The following PPWD1 variants were observed in gnomAD, a reference collection of about 807,000 sequenced individuals.
The protein encoded by PPWD1 is peptidylprolyl isomerase domain and WD repeat containing 1.
In PPWD1, 43 loss-of-function variants were observed where a neutral mutation model predicts 68.8. That is an observed-to-expected ratio of 0.62 (90% CI 0.49 to 0.81). PPWD1 has a LOEUF of 0.81. PPWD1 is among the 30% of genes least tolerant of loss of function. The pLI is 0.00. For missense variants in PPWD1, 672 were observed against 804.8 expected, an observed-to-expected ratio of 0.83 and a Z score of 2.00; for synonymous variants, 232 against 258.7, an observed-to-expected ratio of 0.90 and a Z score of 0.99.
chr5:65,577,161 A>G (rs1753337630), intron 6 of PPWD1, 92 bp downstream of exon 6: 2 of 1,468,404 alleles, frequency 1.4e-6, no homozygotes, highest in South Asian at 1.6e-5. Context: ...TGTTTGTTCC[A>G]AGAAAAGTGG....
chr5:65,563,395 G>C lies in PPWD1; in HGVS notation c.85G>C (p.Glu29Gln). The C allele has an allele frequency of 6.2e-7, 1 of 1,614,188 alleles. No individual in the cohort carries two copies. Among genetic ancestry groups the C allele is most frequent in the Non-Finnish European group, 8.5e-7 (1 of 1,180,018 alleles). ...PEEPEKTELSERELAVAVAVS... is the reference protein window; with the variant it reads ...PEEPEKTELSQRELAVAVAVS... ...GGAACCGGAAAAAACAGAACTCAGCGAAAGAGAGCTGGCAGTAGCAGTGGC... is the reference window on the plus strand; with the variant it reads ...GGAACCGGAAAAAACAGAACTCAGCCAAAGAGAGCTGGCAGTAGCAGTGGC... Residue 29 changes from glutamate to glutamine, a missense_variant, in exon 1 of 11, where the codon GAA becomes CAA. Coordinates refer to ENST00000261308, the MANE Select transcript of PPWD1 (RefSeq NM_015342.4).
At chr5:65,567,639 C>G (rs1338525346) in intron 2 of PPWD1, 24 bp downstream of exon 2, 1 of 1,519,170 alleles carries the variant, frequency 6.6e-7, no homozygotes. Flanking sequence ...ATCTTTTTTA[C>G]TTTGTTCTGA....
In PPWD1 at chr5:65,577,084, G is replaced by C; in HGVS notation, c.1160+15G>C. 1 of 1,597,394 alleles carries C rather than the reference G, an allele frequency of 6.3e-7. No individual in the cohort carries two copies. The highest frequency in any genetic ancestry group is 1.3e-5 in the African/African-American group (1 of 74,566). The stretch of plus-strand genomic sequence containing the variant: ...GAGACAAACCGGTAAGCTTTAATAT[G>C]AGGTATGTTTTTTAAAAATGTGTTT... On this transcript the variant is annotated intron_variant, in intron 6 of 10. Coordinates refer to ENST00000261308, the MANE Select transcript of PPWD1 (RefSeq NM_015342.4).
intron 7 of PPWD1, 41 bp from the exon 8 acceptor site, chr5:65,582,997 A>G: frequency 1.4e-6 from 2 of 1,460,876 alleles, no homozygotes; most frequent in Non-Finnish European, 9.1e-7. Context: ...ACCAGATGAA[A>G]ACTTTAATTC....
chr5:65,579,287 G>A (rs1753487483), intron 6 of PPWD1, 137 bp from the exon 7 acceptor site: 1 of 1,280,702 alleles, frequency 7.8e-7, no homozygotes, highest in African/African-American at 1.6e-5. Context: ...GGGGGGTAGA[G>A]AAACACTTTT....
chr5:65,569,325 T>C, intron 2 of PPWD1: 1 of 269,316 alleles, frequency 3.7e-6, no homozygotes, highest in Non-Finnish European at 7.2e-6. Flanking sequence ...GTAGGGTAAT[T>C]TTAGCAATAA....
intron 5 of PPWD1, chr5:65,576,528 C>G (rs1411629528): frequency 8.3e-6 from 2 of 240,778 alleles, no homozygotes; most frequent in Non-Finnish European, 1.3e-5. Context: ...AGGCACACAT[C>G]ACCATGCCCG....
At chr5:65,574,609 G>A (rs1358345281) in intron 5 of PPWD1, among the ~76,000 whole-genome samples, 2 of 151,032 alleles carry the variant, frequency 1.3e-5, no homozygotes, top group South Asian at 2.1e-4. Flanking sequence ...GACTACAGGC[G>A]CCCGCCACTG....
rs564705552 is a variant in PPWD1, at chr5:65,570,034, T to C, written c.521+36T>C. ...TTAAAAGTATATATATTTTAACTTA[T>C]TGAAGTAATTTGTAAATCAGACTTT... is the stretch of plus-strand genomic sequence containing the variant. On this transcript the variant is annotated intron_variant, in intron 4 of 10. Transcript: ENST00000261308. The C allele has an allele frequency of 4.7e-5, 72 of 1,529,152 alleles. 1 individual carries two copies. The South Asian group carries it at 5.5e-4, about 12-fold the overall frequency. 94.7% of individuals were successfully genotyped at this position (1,529,152 alleles called of 1,614,324 possible).
chr5:65,569,857 T>G (rs775422373), intron 3 of PPWD1, 21 bp from the exon 4 acceptor site: 2 of 1,581,246 alleles, frequency 1.3e-6, no homozygotes, highest in Non-Finnish European at 1.7e-6. Flanking sequence ...TAGAATGTTT[T>G]AATTTCATTT....
chr5:65,564,318 C>CTTTT (rs550753414), intron 1 of PPWD1, among the ~76,000 whole-genome samples: 112 of 117,202 alleles, frequency 9.6e-4, no homozygotes, highest in Non-Finnish European at 1.1e-3. Flanking sequence ...TTTTCTCTCT[C>CTTTT]TTTTTTTTTT....
chr5:65,568,631 G>A (rs1010815333), intron 2 of PPWD1, among the ~76,000 whole-genome samples: 2 of 152,076 alleles, frequency 1.3e-5, no homozygotes, highest in African/African-American at 2.4e-5. Context: ...TAGAAATCTG[G>A]ATGAGATATG....
chr5:65,587,136 T>C, intron 10 of PPWD1, 117 bp from the exon 11 acceptor site: 1 of 1,127,116 alleles, frequency 8.9e-7, no homozygotes, highest in Non-Finnish European at 1.2e-6. Flanking sequence ...TGTACTTCTT[T>C]TTAAATATAT....
At chr5:65,571,544 A>T (rs1249979461) in intron 4 of PPWD1, among the ~76,000 whole-genome samples, 1 of 152,204 alleles carries the variant, frequency 6.6e-6, no homozygotes, top group Non-Finnish European at 1.5e-5. Context: ...TAAGGTCCAG[A>T]TCTGATTAGG....
At chr5:65,568,794 C>A in intron 2 of PPWD1, 2 of 315,468 alleles carry the variant, frequency 6.3e-6, no homozygotes, top group Non-Finnish European at 6.2e-6. Flanking sequence ...TAGGATAATT[C>A]TGACCAAATA....
chr5:65,583,735 G>A (rs752432067), intron 8 of PPWD1, among the ~76,000 whole-genome samples: 10 of 151,618 alleles, frequency 6.6e-5, no homozygotes, highest in Non-Finnish European at 1.2e-4. Context: ...GATCAGTGGA[G>A]GCCAGCAGTT....
intron 2 of PPWD1, chr5:65,569,044 T>TAA: frequency 2.2e-6 from 1 of 455,454 alleles, no homozygotes; most frequent in South Asian, 1.6e-5. Context: ...AAAATGATGA[T>TAA]AAAAATACGT....
Position 65,587,399 on chromosome 5 carries a change from TAA to T in PPWD1, c.*4_*5del. ...TCATAAATATTACTGTCAAGTAAAA[TAA>T]GATTTGTTTTAATGTACTTGCAAAT... On this transcript the variant is annotated 3_prime_UTR_variant, in exon 11 of 11. Transcript: ENST00000261308. The T allele has an allele frequency of 6.3e-7, 1 of 1,597,842 alleles. No homozygotes were observed.
chr5:65,578,784 GTA>G (rs372704895), intron 6 of PPWD1, among the ~76,000 whole-genome samples: 4 of 135,386 alleles, frequency 3.0e-5, no homozygotes, highest in Non-Finnish European at 3.2e-5. Context: ...ATATATATGT[GTA>G]TATATATATA....
Sources: allele counts gnomAD v4.1 joint callset (sites outside exome capture counted in the v4.1 genomes callset), GRCh38; gene constraint gnomAD v4.1.1; transcripts MANE v1.5; gene names NCBI Gene and HGNC (gene_info 2026-07-23, HGNC 2026-07-21).